The following KIF5A variants were observed in gnomAD, a reference collection of about 807,000 sequenced individuals.
The protein encoded by KIF5A is kinesin family member 5A, also known as kinesin heavy chain isoform 5A.
In KIF5A, 35 loss-of-function variants were observed where a neutral mutation model predicts 141.3. The ratio of observed to expected loss-of-function variants is 0.25; its 90% confidence interval spans 0.19 to 0.33. The LOEUF is 0.33. Among genes scored for constraint, KIF5A ranks in the 10% least tolerant of loss-of-function variants. The pLI, the probability that KIF5A is intolerant of heterozygous loss-of-function variation, is 1.00. For synonymous variants in KIF5A, 448 were observed against 500.2 expected (o/e 0.90, Z 1.39); for missense variants, 861 against 1,314.3 (o/e 0.66, Z 5.33).
rs754593021 is a variant in KIF5A, at chr12:57,576,794, G to T, written c.2232G>T (p.Lys744Asn). Residue 744 changes from lysine to asparagine, a missense_variant, in exon 20 of 29, where the codon AAG (lysine) becomes AAT (asparagine). Around this residue, in one of 5 missense-constraint regions of KIF5A, gnomAD observed 482 missense variants for 661.3 expected, o/e 0.73. Coordinates refer to ENST00000455537, the MANE Select transcript of KIF5A (RefSeq NM_004984.4). ...LNQKLQLELE[K>N]LQADYEKLKS... is the part of the protein sequence containing the mutation. The stretch of plus-strand genomic sequence containing the variant: ...AGAAGCTCCAGTTAGAGCTAGAGAA[G>T]CTTCAGGCTGACTACGAGAAGCTGA... The T allele has an allele frequency of 3.1e-6, 5 of 1,613,792 alleles. No homozygotes were observed. The highest frequency in any genetic ancestry group is 1.7e-5 in the Admixed American group (1 of 60,000).
intron 12 of KIF5A, among the ~76,000 whole-genome samples, chr12:57,570,668 A>T (rs766247663): frequency 1.3e-5 from 2 of 151,944 alleles, no homozygotes; most frequent in Non-Finnish European, 2.9e-5. Context: ...TACAGGCGTG[A>T]GCCACCGTGC....
intron 6 of KIF5A, among the ~76,000 whole-genome samples, chr12:57,565,321 T>G (rs1882030683): frequency 6.6e-6 from 1 of 152,032 alleles, no homozygotes; most frequent in African/African-American, 2.4e-5. Flanking sequence ...TTTGGGACAC[T>G]GAAGCAGGAG....
At chr12:57,554,372 A>C (rs536986322) in intron 1 of KIF5A, among the ~76,000 whole-genome samples, 2 of 152,344 alleles carry the variant, frequency 1.3e-5, no homozygotes, top group South Asian at 4.1e-4. Context: ...GTAACATGGC[A>C]GGCACACAGT....
chr12:57,567,051 A>T, intron 6 of KIF5A, 75 bp from the exon 7 acceptor site: 3 of 767,792 alleles, frequency 3.9e-6, no homozygotes, highest in Non-Finnish European at 5.9e-6. Context: ...AGAAAATAAT[A>T]ATAATAAAAA....
At position 57,570,075 on chromosome 12, in the gene KIF5A, C is replaced by T. The variant is rs1216568194; in HGVS notation, c.1206C>T (p.Asn402=). ...ELCEETPVND[N]SSIVVRIAPE... is the part of the protein sequence containing the mutation. ...GTGAGGAGACCCCTGTGAATGACAA[C>T]TCATCCATCGTGGTGCGCATCGCGC... Residue 402 remains asparagine, a synonymous_variant, in exon 12 of 29, where the codon AAC becomes AAT. Transcript: ENST00000455537. The T allele has an allele frequency of 2.5e-6, 4 of 1,614,098 alleles. No individual in the cohort carries two copies. Among genetic ancestry groups the T allele is most frequent in the South Asian group, 2.2e-5 (2 of 91,086 alleles).
At position 57,572,524 on chromosome 12, in the gene KIF5A, G is replaced by T; in HGVS notation, c.1570-56G>T. 6.2e-7 allele frequency: 1 copy of T among 1,611,880 alleles called. No individual in the cohort carries two copies. The highest frequency in any genetic ancestry group is 8.5e-7 in the Non-Finnish European group (1 of 1,178,784). On this transcript the variant is annotated intron_variant, in intron 14 of 28. Transcript: ENST00000455537. This position sits in a 1 kb window ranked among gnomAD's most constrained non-coding sequence, Gnocchi z 4.2. ...CATGAAGGGAGAGGCCTCTGCCTGG[G>T]CTGGGCAAGGGAGCAGGAGGATGGC...
chr12:57,581,512 C>G lies in KIF5A; in HGVS notation c.2853C>G (p.Phe951Leu), dbSNP rs771110600. The G allele has an allele frequency of 6.2e-7, 1 of 1,614,040 alleles. No individual in the cohort carries two copies. Among genetic ancestry groups the G allele is most frequent in the Admixed American group, 1.7e-5 (1 of 59,990 alleles). ...GCATCAGTTACACCAACAGCCTCTT[C>G]CAGAACTACCAGAATCTCTACCTGC... ...PECISYTNSL[F>L]QNYQNLYLQA... Residue 951 changes from phenylalanine to leucine, a missense_variant, in exon 25 of 29, where the codon TTC (phenylalanine) becomes TTG (leucine). By Grantham distance (22) the Phe-to-Leu change is conservative (BLOSUM62 0). Coordinates refer to ENST00000455537, the MANE Select transcript of KIF5A (RefSeq NM_004984.4).
chr12:57,582,753 T>C, intron 27 of KIF5A, 124 bp downstream of exon 27: 1 of 825,770 alleles, frequency 1.2e-6, no homozygotes, highest in Non-Finnish European at 2.1e-6. Flanking sequence ...TGAGACTCAT[T>C]CTTTTCATCA....
At chr12:57,575,351 C>A in intron 16 of KIF5A, 79 bp downstream of exon 16, 1 of 1,409,282 alleles carries the variant, frequency 7.1e-7, no homozygotes, top group Non-Finnish European at 9.9e-7. Context: ...AAACTCCTAA[C>A]ACCCACCTTT....
intron 1 of KIF5A, among the ~76,000 whole-genome samples, chr12:57,554,225 T>G (rs1479990599): frequency 6.6e-6 from 1 of 152,212 alleles, no homozygotes; most frequent in Non-Finnish European, 1.5e-5. Context: ...CTCTACCATT[T>G]CTCAGCCATG....
intron 15 of KIF5A, among the ~76,000 whole-genome samples, chr12:57,574,014 C>A (rs183933017): frequency 7.2e-6 from 1 of 139,026 alleles, no homozygotes; most frequent in African/African-American, 2.7e-5. Context: ...ACCTGGGAGG[C>A]GGAGCTTGCA....
intron 13 of KIF5A, 24 bp downstream of exon 13, chr12:57,571,413 T>A: frequency 6.2e-7 from 1 of 1,612,518 alleles, no homozygotes; most frequent in South Asian, 1.1e-5. Context: ...GGGCAGGACA[T>A]GAGAGGAAAG....
intron 1 of KIF5A, among the ~76,000 whole-genome samples, chr12:57,557,020 A>G (rs1237477922): frequency 6.6e-6 from 1 of 152,144 alleles, no homozygotes; most frequent in African/African-American, 2.4e-5. Flanking sequence ...AGTATTAACC[A>G]TCACAATTCC....
chr12:57,576,989 G>A (rs1882448473), intron 20 of KIF5A, 127 bp downstream of exon 20: 1 of 699,390 alleles, frequency 1.4e-6, no homozygotes, highest in South Asian at 1.5e-5. Flanking sequence ...AAATATGATG[G>A]GGTAGGGACG....
intron 8 of KIF5A, among the ~76,000 whole-genome samples, chr12:57,568,353 T>A (rs1461836325): frequency 6.6e-6 from 1 of 152,170 alleles, no homozygotes; most frequent in African/African-American, 2.4e-5. Context: ...CTCTCCATTG[T>A]CCCCTAACCC....
chr12:57,585,499 T>C lies in KIF5A; in HGVS notation c.*1318T>C, dbSNP rs1166711729. 6.5e-6 allele frequency: 1 copy of C among 154,430 alleles called. No homozygotes were observed. The highest frequency in any genetic ancestry group is 1.9e-4 in the East Asian group (1 of 5,194). The allele number at this position is 154,430 out of a possible 1,614,324, so 9.6% of individuals were successfully genotyped here. ...TTTTAGTTTCAGACGGTCCTTTCCT[T>C]CCACATGGTGCTAAGGTGGTTTTCT... On this transcript the variant is annotated 3_prime_UTR_variant, in exon 29 of 29. Coordinates refer to ENST00000455537, the MANE Select transcript of KIF5A (RefSeq NM_004984.4).
intron 12 of KIF5A, among the ~76,000 whole-genome samples, chr12:57,571,056 C>T (rs2140164541): frequency 6.6e-6 from 1 of 151,584 alleles, no homozygotes; most frequent in Non-Finnish European, 1.5e-5. Flanking sequence ...CCGCCTTGGC[C>T]TTTCAATGCG....
At chr12:57,577,977 G>A in intron 21 of KIF5A, 32 bp from the exon 22 acceptor site, 2 of 1,567,354 alleles carry the variant, frequency 1.3e-6, no homozygotes, top group South Asian at 2.2e-5. Flanking sequence ...CCTGGTATCT[G>A]GCTATTCCCA....
At chr12:57,567,099 G>T in intron 6 of KIF5A, 27 bp from the exon 7 acceptor site, 2 of 1,408,924 alleles carry the variant, frequency 1.4e-6, no homozygotes, top group Non-Finnish European at 2.0e-6. Flanking sequence ...CAAAGCTTAT[G>T]GGTCACTGTC....
Sources: gnomAD v4.1 joint callset for allele counts (sites outside exome capture counted in the v4.1 genomes callset) on GRCh38, gnomAD v4.1.1 for gene constraint, gnomAD v4.1.1 regional missense constraint, Gnocchi (gnomAD v3.1) non-coding constraint, MANE v1.5 for transcripts, NCBI Gene and HGNC (gene_info 2026-07-23, HGNC 2026-07-21) for gene names.